Variants in ZNF729 observed in about 807,000 individuals in gnomAD.
ZNF729 encodes zinc finger protein 729.
Under a neutral mutation model 12.2 loss-of-function variants are expected in ZNF729, and 15 were observed. That is an observed-to-expected ratio of 1.23 (90% CI 0.82 to 1.89). The LOEUF is 1.89. Ranked by LOEUF, ZNF729 falls within the 40% of genes most tolerant of loss-of-function variation. The pLI, the probability that ZNF729 is intolerant of heterozygous loss-of-function variation, is 0.00. For missense variants in ZNF729, 1,540 were observed against 1,456.7 expected, an observed-to-expected ratio of 1.06 and a Z score of -0.93; for synonymous variants, 492 against 476.3, an observed-to-expected ratio of 1.03 and a Z score of -0.43.
intron 1 of ZNF729, 58 bp from the exon 2 acceptor site, chr19:22,303,700 A>T (rs1968344145): frequency 6.8e-7 from 1 of 1,466,918 alleles, no homozygotes; most frequent in Non-Finnish European, 9.1e-7. Flanking sequence ...GTCAAATTAA[A>T]AATTTCTGCC....
intron 1 of ZNF729, among the ~76,000 whole-genome samples, chr19:22,303,050 C>T (rs1383929942): frequency 6.6e-6 from 1 of 152,194 alleles, no homozygotes; most frequent in Non-Finnish European, 1.5e-5. Context: ...GCTGGGATTA[C>T]AGGAGTGAGC....
At chr19:22,297,732 A>G (rs111920900) in intron 1 of ZNF729, among the ~76,000 whole-genome samples, 3,793 of 151,854 alleles carry the variant, frequency 0.025, 157 homozygotes, top group African/African-American at 0.087. Flanking sequence ...GGCTGGGCGC[A>G]GTGGCTCATG....
chr19:22,289,115 T>A (rs1968119541), intron 1 of ZNF729, among the ~76,000 whole-genome samples: 1 of 152,100 alleles, frequency 6.6e-6, no homozygotes, highest in Non-Finnish European at 1.5e-5. Flanking sequence ...TAACTGTGAA[T>A]TGCATTTTGT....
At chr19:22,311,740 T>C (rs997884580) in intron 3 of ZNF729, among the ~76,000 whole-genome samples, 2 of 152,236 alleles carry the variant, frequency 1.3e-5, no homozygotes, top group Admixed American at 1.3e-4. Context: ...ATCCATTGTT[T>C]ATTTGTTGAC....
At chr19:22,287,019 G>C (rs1037573552) in intron 1 of ZNF729, among the ~76,000 whole-genome samples, 2 of 152,180 alleles carry the variant, frequency 1.3e-5, no homozygotes, top group Non-Finnish European at 2.9e-5. Flanking sequence ...AGAGCACCCA[G>C]CTATGGTTTG....
intron 1 of ZNF729, among the ~76,000 whole-genome samples, chr19:22,300,081 A>T (rs1461540288): frequency 6.6e-6 from 1 of 152,226 alleles, no homozygotes; most frequent in Non-Finnish European, 1.5e-5. Flanking sequence ...ATAGCACTCT[A>T]TTCAACCATT....
chr19:22,311,892 T>A (rs1968453773), intron 3 of ZNF729, among the ~76,000 whole-genome samples: 1 of 152,184 alleles, frequency 6.6e-6, no homozygotes, highest in African/African-American at 2.4e-5. Context: ...TGCATGTATG[T>A]TTAGGACTGT....
In ZNF729 at chr19:22,286,560, G is replaced by C; in HGVS notation, c.30+5G>C. 6.2e-7 allele frequency: 1 copy of C among 1,613,944 alleles called. No homozygotes were observed. Among genetic ancestry groups the C allele is most frequent in the South Asian group, 1.1e-5 (1 of 91,062 alleles). ...GCCCCTGGCAGCCTAGAAATGGTGA[G>C]AGTGCCGGGTCCGACATCCCGAGAA... is the stretch of plus-strand genomic sequence containing the variant. On this transcript the variant is annotated splice_donor_5th_base_variant and intron_variant, in intron 1 of 3. Coordinates refer to ENST00000601693, the MANE Select transcript of ZNF729 (RefSeq NM_001242680.2).
At chr19:22,313,627 T>C (rs749829145) in intron 3 of ZNF729, 44 bp from the exon 4 acceptor site, 168 of 1,414,570 alleles carry the variant, frequency 1.2e-4, no homozygotes, top group Non-Finnish European at 1.5e-4. Context: ...TATATTCATC[T>C]GAGTCTAGCA....
intron 3 of ZNF729, among the ~76,000 whole-genome samples, chr19:22,308,232 A>G (rs139710069): frequency 4.1e-4 from 62 of 152,284 alleles, no homozygotes; most frequent in African/African-American, 1.2e-3. Flanking sequence ...TCCATCATAT[A>G]TATAATCTCA....
At position 22,309,773 on chromosome 19, in the gene ZNF729, A is replaced by G. The variant is rs148856416; in HGVS notation, c.254-3898A>G. Among the ~76,000 whole-genome samples, 8 of 151,694 alleles carry G rather than the reference A, an allele frequency of 5.3e-5. No homozygotes were observed. In the East Asian group the frequency reaches 1.6e-3, roughly 30 times the overall value. Reference sequence around the variant, plus strand: ...ATGATGCTGTTTTGATGGGAACTGCATTGAGTTTGTAGATTGCTTTTGGCA... The same window carrying G: ...ATGATGCTGTTTTGATGGGAACTGCGTTGAGTTTGTAGATTGCTTTTGGCA... On this transcript the variant is annotated intron_variant, in intron 3 of 3. Coordinates refer to ENST00000601693, the MANE Select transcript of ZNF729 (RefSeq NM_001242680.2).
chr19:22,307,684 G>T (rs1413933414), intron 3 of ZNF729, among the ~76,000 whole-genome samples: 1 of 149,606 alleles, frequency 6.7e-6, no homozygotes, highest in Non-Finnish European at 1.5e-5. Context: ...TGGAGGTTGT[G>T]GTGAGCCGAG....
chr19:22,289,024 A>T (rs1968117901), intron 1 of ZNF729, among the ~76,000 whole-genome samples: 1 of 152,016 alleles, frequency 6.6e-6, no homozygotes, highest in Non-Finnish European at 1.5e-5. Flanking sequence ...CTCTCAAGTG[A>T]TTGGATGGCC....
chr19:22,314,236 T>A lies in ZNF729; in HGVS notation c.819T>A (p.Phe273Leu), dbSNP rs1440972906. ...PFRCEECGKAFNQSSNLTDHK... is the reference protein window; with the variant it reads ...PFRCEECGKALNQSSNLTDHK... ...GATGTGAAGAATGTGGCAAAGCTTTTAACCAGTCCTCAAATCTTACTGACC... is the reference window on the plus strand; with the variant it reads ...GATGTGAAGAATGTGGCAAAGCTTTAAACCAGTCCTCAAATCTTACTGACC... Residue 273 changes from phenylalanine (F) to leucine (L), a missense_variant, in exon 4 of 4, where the codon TTT (phenylalanine) becomes TTA (leucine). By Grantham distance (22) the Phe-to-Leu change is conservative. Transcript: ENST00000601693. The A allele has an allele frequency of 3.7e-6, 6 of 1,607,234 alleles. No individual in the cohort carries two copies. Among genetic ancestry groups the A allele is most frequent in the Non-Finnish European group, 5.1e-6 (6 of 1,177,324 alleles).
At chr19:22,313,631 T>G in intron 3 of ZNF729, 40 bp from the exon 4 acceptor site, 1 of 1,422,294 alleles carries the variant, frequency 7.0e-7, no homozygotes, top group Non-Finnish European at 9.2e-7. Flanking sequence ...TTCATCTGAG[T>G]CTAGCAAGTG....
intron 2 of ZNF729, 137 bp from the exon 3 acceptor site, chr19:22,304,551 C>G: frequency 1.3e-6 from 1 of 790,484 alleles, no homozygotes; most frequent in Non-Finnish European, 1.9e-6. Context: ...AAAATACTTT[C>G]TAAATATTTA....
chr19:22,313,534 G>A, intron 3 of ZNF729, 137 bp from the exon 4 acceptor site: 2 of 729,956 alleles, frequency 2.7e-6, no homozygotes, highest in Non-Finnish European at 4.0e-6. Flanking sequence ...ACATTTATAT[G>A]TCTATGAAGA....
chr19:22,312,538 T>G (rs79211395), intron 3 of ZNF729, among the ~76,000 whole-genome samples: 2,411 of 151,960 alleles, frequency 0.016, 78 homozygotes, highest in African/African-American at 0.055. Flanking sequence ...CATCTATTTT[T>G]TGTGTGTGTG....
intron 1 of ZNF729, among the ~76,000 whole-genome samples, chr19:22,289,406 T>C (rs1218053077): frequency 1.3e-5 from 2 of 151,848 alleles, no homozygotes; most frequent in African/African-American, 4.8e-5. Context: ...TTTGTATTTT[T>C]AATAGAGATG....
Sources: gnomAD v4.1 joint callset for allele counts (sites outside exome capture counted in the v4.1 genomes callset) on GRCh38, gnomAD v4.1.1 for gene constraint, MANE v1.5 for transcripts, NCBI Gene and HGNC (gene_info 2026-07-23, HGNC 2026-07-21) for gene names.